CBX2: variants seen among roughly 807,000 people sequenced by gnomAD.
The protein encoded by CBX2 is chromobox protein homolog 2.
In CBX2, 11 loss-of-function variants were observed where a neutral mutation model predicts 21.0. The observed-to-expected ratio is 0.52, with a 90% CI of 0.33 to 0.87. CBX2 has a LOEUF of 0.87. CBX2 is among the 40% of genes least tolerant of loss of function. The pLI is 0.02. For synonymous variants in CBX2, 364 were observed against 304.6 expected (o/e 1.19, Z -2.03); for missense variants, 746 against 724.3 (o/e 1.03, Z -0.34).
chr17:79,781,993 T>C, intron 4 of CBX2, 192 bp downstream of exon 4: 1 of 1,614,112 alleles, frequency 6.2e-7, no homozygotes, highest in Non-Finnish European at 8.5e-7. Flanking sequence ...CCCAGCCGGC[T>C]GAGAGTTCCT....
chr17:79,777,951 C>T (rs1449868604), upstream of CBX2, among the ~76,000 whole-genome samples: 7 of 144,316 alleles, frequency 4.9e-5, no homozygotes, highest in Non-Finnish European at 1.1e-4. Context: ...GCCCGGGGCC[C>T]CGCGCGGGAC....
intron 3 of CBX2, 76 bp downstream of exon 3, chr17:79,779,503 G>A (rs782540087): frequency 1.4e-5 from 19 of 1,358,574 alleles, no homozygotes; most frequent in Non-Finnish European, 1.8e-5. Context: ...GGCGCTGCTC[G>A]CCTGCCGGGA....
rs1906946422 is a variant in CBX2 at position 79,778,919 on chromosome 17, C to G, written c.117-443C>G. On this transcript the variant is annotated intron_variant, in intron 2 of 4. Transcript: ENST00000310942. This position sits in a 1 kb window ranked among gnomAD's most constrained non-coding sequence, Gnocchi z 4.8. The stretch of plus-strand genomic sequence containing the variant: ...CCCGGACCCCGCTCTTTCTTCGCTA[C>G]CCCTCGAGGTGCCCCGGCCCGCGCG... 6.6e-6 allele frequency among the ~76,000 whole-genome samples: 1 copy of G among 152,164 alleles called. No homozygotes were observed. The highest frequency in any genetic ancestry group is 2.4e-5 in the African/African-American group (1 of 41,432).
chr17:79,777,684 G>A (rs1470339250), upstream of CBX2, among the ~76,000 whole-genome samples: 1 of 152,152 alleles, frequency 6.6e-6, no homozygotes, highest in African/African-American at 2.4e-5. Context: ...AAGAAGCCGG[G>A]GGAAGGGTGG....
rs782784948 is a variant in CBX2, at chr17:79,783,957, G to A, written c.514G>A (p.Glu172Lys). The change falls in exon 5 of 5, where the codon GAG (glutamate) becomes AAG (lysine). Residue 172 changes from glutamate to lysine, a missense_variant. Transcript: ENST00000310942. ...KKRGRKPLPPEQKATRRPVSL... is the reference protein window; with the variant it reads ...KKRGRKPLPPKQKATRRPVSL... ...GCGGGGACGAAAGCCCCTGCCCCCA[G>A]AGCAAAAGGCAACCCGAAGACCCGT... 4 of 1,613,882 alleles carry A rather than the reference G, an allele frequency of 2.5e-6. No individual in the cohort carries two copies. Among genetic ancestry groups the A allele is most frequent in the Non-Finnish European group, 3.4e-6 (4 of 1,180,040 alleles).
intron 3 of CBX2, among the ~76,000 whole-genome samples, chr17:79,780,743 AG>A (rs1907116609): frequency 1.4e-5 from 2 of 141,130 alleles, no homozygotes; most frequent in South Asian, 2.3e-4. Flanking sequence ...TTGGTATTGG[AG>A]GGGGTGGGGG....
rs782713600 is a variant in CBX2 at position 79,778,359 on chromosome 17, C to T, written c.73-25C>T. The T allele has an allele frequency of 3.8e-6, 6 of 1,582,486 alleles. No homozygotes were observed. In the East Asian group the frequency reaches 6.9e-5, roughly 18 times the overall value. ...CCCGCCGCCCGCTGTCCGTCTGGCT[C>T]ACGGCCCCTCTTCTCTCCCCGCAGG... On this transcript the variant is annotated intron_variant, in intron 1 of 4. Coordinates refer to ENST00000310942, the MANE Select transcript of CBX2 (RefSeq NM_005189.3). This position sits in a 1 kb window ranked among gnomAD's most constrained non-coding sequence, Gnocchi z 4.8.
rs781869717 is a variant in CBX2, at chr17:79,784,215, C to T, written c.772C>T (p.His258Tyr). The T allele has an allele frequency of 1.5e-5, 24 of 1,612,830 alleles. No homozygotes were observed. Among genetic ancestry groups the T allele is most frequent in the Non-Finnish European group, 1.4e-5 (17 of 1,179,962 alleles). The change falls in exon 5 of 5, where the codon CAC becomes TAC. Residue 258 changes from histidine (H) to tyrosine (Y), a missense_variant. Physicochemically the swap from His to Tyr is moderately conservative, Grantham distance 83. Coordinates refer to ENST00000310942, the MANE Select transcript of CBX2 (RefSeq NM_005189.3). The surrounding 1 kb of genome is among the most constrained non-coding windows in gnomAD (Gnocchi z 5.9). ...CATCAGCTGGCAGAGCTCCATCGTG[C>T]ACTACATGAACCGGATGACCCAGAG... ...GGISWQSSIV[H>Y]YMNRMTQSQA...
In CBX2 at chr17:79,778,183, TCCGG is replaced by T; in HGVS notation, c.-52_-49del. On this transcript the variant is annotated 5_prime_UTR_variant, in exon 1 of 5. Coordinates refer to ENST00000310942, the MANE Select transcript of CBX2 (RefSeq NM_005189.3). The surrounding 1 kb of genome is among the most constrained non-coding windows in gnomAD (Gnocchi z 4.8). ...GTGCTGCCGGCGGGGCGCGCGGCGG[TCCGG>T]GCGGGTGACTGGCGGCGGGCGCCGC... The T allele has an allele frequency of 9.1e-7, 1 of 1,104,402 alleles. No individual in the cohort carries two copies. Among genetic ancestry groups the T allele is most frequent in the Non-Finnish European group, 1.1e-6 (1 of 878,972 alleles). 68.4% of individuals were successfully genotyped at this position (1,104,402 alleles called of 1,614,324 possible).
chr17:79,777,608 C>T (rs1906812174), upstream of CBX2, among the ~76,000 whole-genome samples: 1 of 152,114 alleles, frequency 6.6e-6, no homozygotes. Flanking sequence ...CCTTCCCCAG[C>T]CCCCGACCCG....
At position 79,778,435 on chromosome 17, in the gene CBX2, C is replaced by A; in HGVS notation, c.116+8C>A. 6.5e-7 allele frequency: 1 copy of A among 1,528,950 alleles called. No individual in the cohort carries two copies. Among genetic ancestry groups the A allele is most frequent in the Non-Finnish European group, 8.8e-7 (1 of 1,141,364 alleles). The allele number at this position is 1,528,950 out of a possible 1,614,324, so 94.7% of individuals were successfully genotyped here. A position where few individuals can be genotyped will look rare whatever the true frequency, so the allele number is the denominator to read the frequency against. ...GCGCGGCTGGTCCTCCAAGTGAGTC[C>A]CCCGCGACGCCGCGCCCCCCTCCCG... On this transcript the variant is annotated splice_region_variant and intron_variant, in intron 2 of 4. Coordinates refer to ENST00000310942, the MANE Select transcript of CBX2 (RefSeq NM_005189.3). The surrounding 1 kb of genome is among the most constrained non-coding windows in gnomAD (Gnocchi z 4.8).
Position 79,784,470 on chromosome 17 carries a change from C to T in CBX2, c.1027C>T (p.Pro343Ser). 5.6e-6 allele frequency: 9 copies of T among 1,612,454 alleles called. No individual in the cohort carries two copies. Among genetic ancestry groups the T allele is most frequent in the Non-Finnish European group, 7.6e-6 (9 of 1,179,788 alleles). ...CAGGGTGCCTGCTGGGTGCCCAGGCCCCCAGCCAGCACCCACCCAGGAGCT... is the reference window on the plus strand; with the variant it reads ...CAGGGTGCCTGCTGGGTGCCCAGGCTCCCAGCCAGCACCCACCCAGGAGCT... ...ASRVPAGCPG[P>S]QPAPTQELSL... The change falls in exon 5 of 5, where the codon CCC (proline) becomes TCC (serine). Residue 343 changes from proline to serine, a missense_variant. This residue lies in a region of CBX2 where 701 missense variants were observed against 650.7 expected (regional missense o/e 1.08). Transcript: ENST00000310942. This position sits in a 1 kb window ranked among gnomAD's most constrained non-coding sequence, Gnocchi z 5.9.
rs1302366087 is a variant in CBX2, at chr17:79,785,374, G to A, written c.*332G>A. On this transcript the variant is annotated 3_prime_UTR_variant, in exon 5 of 5. Transcript: ENST00000310942. ...GAGCGGGCTTCTTCATGGCTGCGTT[G>A]TTGCTGAGTTTGAACTGCTCCTCCC... 16 of 407,406 alleles carry A rather than the reference G, an allele frequency of 3.9e-5. No individual in the cohort carries two copies. The Admixed American group carries it at 4.8e-4, about 12-fold the overall frequency. The allele number at this position is 407,406 out of a possible 1,614,324, so 25.2% of individuals were successfully genotyped here. A position where few individuals can be genotyped will look rare whatever the true frequency, so the allele number is the denominator to read the frequency against.
chr17:79,784,690 C>A lies in CBX2; in HGVS notation c.1247C>A (p.Ser416Tyr), dbSNP rs1555831314. The change falls in exon 5 of 5, where the codon TCC (serine) becomes TAC (tyrosine). Residue 416 changes from serine (S) to tyrosine (Y), a missense_variant. Ser to Tyr is a moderately radical substitution (Grantham distance 144). Around this residue, in one of 2 missense-constraint regions of CBX2, gnomAD observed 701 missense variants for 650.7 expected, o/e 1.08. Transcript: ENST00000310942. This position sits in a 1 kb window ranked among gnomAD's most constrained non-coding sequence, Gnocchi z 5.9. ...ACAAGCAAAAGTGAGAAGCTGGCTT[C>A]CAGAGCAGTGGCGCCACCCACCCCT... Reference protein sequence around the residue: ...TDTSKSEKLASRAVAPPTPAS... With the variant: ...TDTSKSEKLAYRAVAPPTPAS... 1 of 1,611,862 alleles carries A rather than the reference C, an allele frequency of 6.2e-7. No individual in the cohort carries two copies. The highest frequency in any genetic ancestry group is 8.5e-7 in the Non-Finnish European group (1 of 1,179,676).
At chr17:79,781,317 T>C (rs1392086600) in intron 3 of CBX2, among the ~76,000 whole-genome samples, 3 of 152,082 alleles carry the variant, frequency 2.0e-5, no homozygotes, top group African/African-American at 7.2e-5. Flanking sequence ...TGGGCTTCCT[T>C]CTCCTATTGA....
chr17:79,778,460 GC>G lies in CBX2; in HGVS notation c.116+38del. 7.1e-7 allele frequency: 1 copy of G among 1,405,074 alleles called. No individual in the cohort carries two copies. Among genetic ancestry groups the G allele is most frequent in the Non-Finnish European group, 9.6e-7 (1 of 1,046,642 alleles). The allele number at this position is 1,405,074 out of a possible 1,614,324, so 87.0% of individuals were successfully genotyped here. On this transcript the variant is annotated intron_variant, in intron 2 of 4. Transcript: ENST00000310942. The surrounding 1 kb of genome is among the most constrained non-coding windows in gnomAD (Gnocchi z 4.8). ...CCCCGCGACGCCGCGCCCCCCTCCC[GC>G]CCCCTCGCCCGGGGGTGGGGACGTG...
At chr17:79,779,289 C>T in intron 2 of CBX2, 73 bp from the exon 3 acceptor site, 1 of 1,436,966 alleles carries the variant, frequency 7.0e-7, no homozygotes, top group Non-Finnish European at 9.7e-7. Flanking sequence ...TGAGGGCGAG[C>T]CCCCTCGGGC....
In CBX2 at chr17:79,784,675, G is replaced by C. The variant is rs187278438; in HGVS notation, c.1232G>C (p.Ser411Thr). The change falls in exon 5 of 5, where the codon AGT becomes ACT. Residue 411 changes from serine to threonine, a missense_variant. Physicochemically the swap from Ser to Thr is moderately conservative, Grantham distance 58. Coordinates refer to ENST00000310942, the MANE Select transcript of CBX2 (RefSeq NM_005189.3). This position sits in a 1 kb window ranked among gnomAD's most constrained non-coding sequence, Gnocchi z 5.9. ...ACCATGCCCACCGACACAAGCAAAA[G>C]TGAGAAGCTGGCTTCCAGAGCAGTG... is the stretch of plus-strand genomic sequence containing the variant. ...GATMPTDTSK[S>T]EKLASRAVAP... 3.1e-6 allele frequency: 5 copies of C among 1,612,362 alleles called. No homozygotes were observed. The Admixed American group carries it at 6.7e-5, about 22-fold the overall frequency.
chr17:79,782,021 G>A (rs982816633), intron 4 of CBX2: 14 of 1,614,046 alleles, frequency 8.7e-6, no homozygotes, highest in Non-Finnish European at 1.0e-5. Flanking sequence ...CCTCCCAGGG[G>A]CTTCCTGCTT....
Sources: gnomAD v4.1 joint callset for allele counts (sites outside exome capture counted in the v4.1 genomes callset) on GRCh38, gnomAD v4.1.1 for gene constraint, gnomAD v4.1.1 regional missense constraint, Gnocchi (gnomAD v3.1) non-coding constraint, MANE v1.5 for transcripts, NCBI Gene and HGNC (gene_info 2026-07-23, HGNC 2026-07-21) for gene names.